The following ABCD3 variants were observed in gnomAD, a reference collection of about 807,000 sequenced individuals.
The protein encoded by ABCD3 is ATP-binding cassette sub-family D member 3.
In ABCD3, 41 loss-of-function variants were observed where a neutral mutation model predicts 105.5. That is an observed-to-expected ratio of 0.39 (90% CI 0.30 to 0.50). ABCD3 has a LOEUF of 0.50. ABCD3 is among the 20% of genes least tolerant of loss of function. The pLI is 0.84. For synonymous variants in ABCD3, 258 were observed against 269.0 expected (o/e 0.96, Z 0.40); for missense variants, 622 against 806.3 (o/e 0.77, Z 2.77).
intron 13 of ABCD3, among the ~76,000 whole-genome samples, chr1:94,488,841 C>T (rs900116859): frequency 2.0e-5 from 3 of 151,976 alleles, no homozygotes; most frequent in Admixed American, 2.0e-4. Context: ...CTCTCGCTCT[C>T]TTTCTGTGTG....
chr1:94,452,677 T>TA (rs1308980310), intron 1 of ABCD3, among the ~76,000 whole-genome samples: 1 of 152,182 alleles, frequency 6.6e-6, no homozygotes, highest in Non-Finnish European at 1.5e-5. Flanking sequence ...GAATAGTTTG[T>TA]AGTTTTCTTT....
chr1:94,482,235 T>C (rs1402580329), intron 9 of ABCD3: 1 of 152,208 alleles, frequency 6.6e-6, no homozygotes, highest in Non-Finnish European at 1.5e-5. Flanking sequence ...TCATATCTTA[T>C]GGGAAGTTAA....
At chr1:94,406,782 T>C in the ABCD3 span, 3 of 154,002 alleles carry the variant, frequency 1.9e-5, no homozygotes, top group Admixed American at 6.5e-5. Context: ...ACTTTTCTGA[T>C]AGATTTGCAT....
At chr1:94,506,838 T>C (rs1423748530) in intron 21 of ABCD3, among the ~76,000 whole-genome samples, 196 bp downstream of exon 21, 2 of 151,940 alleles carry the variant, frequency 1.3e-5, no homozygotes, top group African/African-American at 4.8e-5. Flanking sequence ...TATAATTCTC[T>C]TTATATATGG....
chr1:94,435,720 G>A (rs1659877533), intron 1 of ABCD3, among the ~76,000 whole-genome samples: 1 of 152,176 alleles, frequency 6.6e-6, no homozygotes, highest in Non-Finnish European at 1.5e-5. Context: ...TATCTGGTTA[G>A]TAGTTGTACC....
At chr1:94,423,943 G>A (rs17111523) in intron 1 of ABCD3, among the ~76,000 whole-genome samples, 3,792 of 152,210 alleles carry the variant, frequency 0.025, 127 homozygotes, top group African/African-American at 0.067. Context: ...TTTCACAGGC[G>A]CACTGGGTGT....
chr1:94,389,522 G>A, the ABCD3 span, among the ~76,000 whole-genome samples: 119 of 152,222 alleles, frequency 7.8e-4, no homozygotes, highest in African/African-American at 2.7e-3. Context: ...CCTTTGTTTC[G>A]GCCCATCCCT....
rs1648220761 is a variant in ABCD3 at position 94,467,767 on chromosome 1, A to G, written c.247-152A>G. ...TATTCTTGCGTTCCCTTTAAACTAT[A>G]TTTAAAATTACTTATAGAAAAAATG... On this transcript the variant is annotated intron_variant, in intron 3 of 22. Coordinates refer to ENST00000370214, the MANE Select transcript of ABCD3 (RefSeq NM_002858.4). 7 of 637,112 alleles carry G rather than the reference A, an allele frequency of 1.1e-5. No homozygotes were observed. The South Asian group carries it at 1.3e-4, about 12-fold the overall frequency. The allele number at this position is 637,112 out of a possible 1,614,324, so 39.5% of individuals were successfully genotyped here.
chr1:94,388,025 A>G, the ABCD3 span, among the ~76,000 whole-genome samples: 1 of 152,144 alleles, frequency 6.6e-6, no homozygotes, highest in Non-Finnish European at 1.5e-5. Flanking sequence ...TGGTAGGTCT[A>G]TTTGACATCA....
At chr1:94,390,596 C>T in the ABCD3 span, among the ~76,000 whole-genome samples, 1 of 152,128 alleles carries the variant, frequency 6.6e-6, no homozygotes, top group South Asian at 2.1e-4. Context: ...TGCCATGGCA[C>T]CCAGCCCACT....
chr1:94,450,277 T>G (rs1343756784), intron 1 of ABCD3, among the ~76,000 whole-genome samples: 3 of 152,250 alleles, frequency 2.0e-5, no homozygotes, highest in Non-Finnish European at 4.4e-5. Flanking sequence ...TTGCTTTTAT[T>G]ACTTTGCAAA....
At chr1:94,408,451 G>A in the ABCD3 span, among the ~76,000 whole-genome samples, 2 of 151,978 alleles carry the variant, frequency 1.3e-5, no homozygotes, top group Non-Finnish European at 2.9e-5. Flanking sequence ...AAAATTAGCT[G>A]GGCGTAGTGG....
chr1:94,507,871 A>G (rs1007483243), intron 21 of ABCD3, among the ~76,000 whole-genome samples: 3 of 145,172 alleles, frequency 2.1e-5, no homozygotes, highest in South Asian at 2.3e-4. Flanking sequence ...GTTTGAGTTC[A>G]TTGTAGATTC....
chr1:94,404,960 A>T, the ABCD3 span, among the ~76,000 whole-genome samples: 1 of 151,726 alleles, frequency 6.6e-6, no homozygotes, highest in African/African-American at 2.4e-5. Context: ...AAGAAAAAAA[A>T]AAACAAACAG....
At chr1:94,400,670 A>C in the ABCD3 span, among the ~76,000 whole-genome samples, 2 of 152,224 alleles carry the variant, frequency 1.3e-5, no homozygotes, top group South Asian at 4.1e-4. Flanking sequence ...AGGATTCACC[A>C]GCACCTAGAG....
chr1:94,516,146 A>G (rs1162156924), intron 22 of ABCD3, among the ~76,000 whole-genome samples: 3 of 151,948 alleles, frequency 2.0e-5, no homozygotes, highest in East Asian at 1.9e-4. Flanking sequence ...AGAGCATAGG[A>G]TTTGAAGTCA....
rs1650853871 is a variant in ABCD3, at chr1:94,514,943, C to T, written c.1846-203C>T. The T allele has an allele frequency of 5.5e-6, 3 of 542,236 alleles. No homozygotes were observed. The East Asian group carries it at 8.9e-5, about 16-fold the overall frequency. 33.6% of individuals were successfully genotyped at this position (542,236 alleles called of 1,614,324 possible). On this transcript the variant is annotated intron_variant, in intron 21 of 22. Transcript: ENST00000370214. Reference sequence around the variant, plus strand: ...GAAAATAATACACTTAATGCCAGTACCTGGTAGTTTTTATTATGTGGTTGA... The same window carrying T: ...GAAAATAATACACTTAATGCCAGTATCTGGTAGTTTTTATTATGTGGTTGA...
At chr1:94,475,979 C>T (rs777191657) in intron 7 of ABCD3, among the ~76,000 whole-genome samples, 4 of 152,032 alleles carry the variant, frequency 2.6e-5, no homozygotes, top group Admixed American at 6.6e-5. Context: ...AAGAATTTTG[C>T]AGGTTGATTC....
rs918309315 is a variant in ABCD3 at position 94,498,549 on chromosome 1, A to G, written c.1387-53A>G. 8 of 1,552,490 alleles carry G rather than the reference A, an allele frequency of 5.2e-6. No homozygotes were observed. The African/African-American group carries it at 9.5e-5, about 18-fold the overall frequency. On this transcript the variant is annotated intron_variant, in intron 16 of 22. Transcript: ENST00000370214. ...GAGTCTAAGGAAATGTTGATTAAGT[A>G]TATGTTAATTTGATTTAATTACTTC...
Sources: gnomAD v4.1 joint callset for allele counts (sites outside exome capture counted in the v4.1 genomes callset) on GRCh38, gnomAD v4.1.1 for gene constraint, MANE v1.5 for transcripts, NCBI Gene and HGNC (gene_info 2026-07-23, HGNC 2026-07-21) for gene names.